Variants in NT5DC3 observed in about 807,000 individuals in gnomAD.
NT5DC3 encodes 5'-nucleotidase domain containing 3.
A neutral mutation model predicts 67.8 loss-of-function variants in NT5DC3; 42 were observed. The ratio of observed to expected loss-of-function variants is 0.62; its 90% CI spans 0.48 to 0.80. The LOEUF (loss-of-function observed/expected upper bound fraction) is 0.80. Ranked by LOEUF, NT5DC3 falls within the 30% of genes least tolerant of loss-of-function variation. The probability of loss-of-function intolerance (pLI) is 0.00; values close to 1 mark genes in which losing one functional copy is unlikely to be tolerated. For synonymous variants in NT5DC3, 237 were observed against 255.6 expected (o/e 0.93, Z 0.69); for missense variants, 570 against 696.4 (o/e 0.82, Z 2.04).
chr12:103,798,491 C>T (rs1593403209), intron 5 of NT5DC3, 96 bp downstream of exon 5: 1 of 789,892 alleles, frequency 1.3e-6, no homozygotes, highest in Non-Finnish European at 2.2e-6. Flanking sequence ...TCTCAAATTT[C>T]CCTGTCAATT....
downstream of NT5DC3, among the ~76,000 whole-genome samples, chr12:103,767,887 CCTGA>C (rs1885051300): frequency 6.6e-6 from 1 of 151,354 alleles, no homozygotes. Flanking sequence ...TCGAGACCAG[CCTGA>C]CTAACATGGT....
At chr12:103,806,200 G>A (rs1382630565) in intron 4 of NT5DC3, 122 bp downstream of exon 4, 1 of 692,042 alleles carries the variant, frequency 1.4e-6, no homozygotes, top group Non-Finnish European at 2.6e-6. Flanking sequence ...TTGAGTAAGT[G>A]AGTGAATGAA....
chr12:103,769,023 A>G (rs1885126402), downstream of NT5DC3, among the ~76,000 whole-genome samples: 1 of 152,132 alleles, frequency 6.6e-6, no homozygotes, highest in African/African-American at 2.4e-5. Context: ...TGGCTTTGTC[A>G]GTTCCATAGA....
rs188847353 is a variant in NT5DC3, at chr12:103,811,175, T to A, written c.393+3762A>T. On this transcript the variant is annotated intron_variant, in intron 2 of 13. Transcript: ENST00000392876. ...AGTGTCTGCCCCTGCAAAGTTCCCATTCTACCTGGGGGGGTAGACCATACA... is the reference window on the plus strand; with the variant it reads ...AGTGTCTGCCCCTGCAAAGTTCCCAATCTACCTGGGGGGGTAGACCATACA... Among the ~76,000 whole-genome samples the A allele has an allele frequency of 4.1e-3, 619 of 152,282 alleles. 1 individual carries two copies. Among genetic ancestry groups the A allele is most frequent in the Non-Finnish European group, 7.0e-3 (476 of 68,032 alleles).
At chr12:103,831,467 C>T (rs1887920741) in intron 1 of NT5DC3, among the ~76,000 whole-genome samples, 1 of 152,126 alleles carries the variant, frequency 6.6e-6, no homozygotes, top group Non-Finnish European at 1.5e-5. Context: ...AAATTCAAAC[C>T]CAAATCCATG....
Position 103,785,596 on chromosome 12 carries a change from C to A in NT5DC3, c.1189-121G>T, listed in dbSNP as rs947669522. 5 of 984,716 alleles carry A rather than the reference C, an allele frequency of 5.1e-6. No individual in the cohort carries two copies. The African/African-American group carries it at 8.0e-5, about 16-fold the overall frequency. The allele number at this position is 984,716 out of a possible 1,614,324, so 61.0% of individuals were successfully genotyped here. A position where few individuals can be genotyped will look rare whatever the true frequency, so the allele number is the denominator to read the frequency against. On this transcript the variant is annotated intron_variant, in intron 11 of 13. Coordinates refer to ENST00000392876, the MANE Select transcript of NT5DC3 (RefSeq NM_001031701.3). The stretch of plus-strand genomic sequence containing the variant: ...TTTTTGATGGTAATGGTTAGTTATT[C>A]ACCAAGCTGAATTCAATGAATTACA...
intron 12 of NT5DC3, among the ~76,000 whole-genome samples, chr12:103,782,095 C>T (rs771022110): frequency 6.6e-6 from 1 of 152,174 alleles, no homozygotes; most frequent in Non-Finnish European, 1.5e-5. Context: ...ACAGGCTGGG[C>T]GTGGTAGCTC....
intron 1 of NT5DC3, among the ~76,000 whole-genome samples, chr12:103,822,661 T>C (rs920084749): frequency 6.6e-6 from 1 of 152,220 alleles, no homozygotes; most frequent in African/African-American, 2.4e-5. Flanking sequence ...TCTATTCTTG[T>C]TTTGTCTGTA....
intron 5 of NT5DC3, among the ~76,000 whole-genome samples, chr12:103,798,301 T>A (rs1886410705): frequency 6.6e-6 from 1 of 152,050 alleles, no homozygotes; most frequent in Non-Finnish European, 1.5e-5. Flanking sequence ...ACAGCCCCAA[T>A]CTGTTCTGGA....
the NT5DC3 span, chr12:103,758,988 G>A: frequency 7.2e-7 from 1 of 1,394,808 alleles, no homozygotes; most frequent in Non-Finnish European, 9.9e-7. Context: ...AGAAGCCTAA[G>A]AAAACCTTGA....
chr12:103,818,636 A>G (rs1887363819), intron 1 of NT5DC3, among the ~76,000 whole-genome samples: 1 of 152,202 alleles, frequency 6.6e-6, no homozygotes, highest in African/African-American at 2.4e-5. Context: ...TCCATCTCCC[A>G]AAGTGCTGGG....
chr12:103,750,592 G>T, the NT5DC3 span: 3 of 1,614,198 alleles, frequency 1.9e-6, no homozygotes, highest in East Asian at 4.5e-5. Flanking sequence ...AAGCACAAGT[G>T]TGAGTGTAAA....
the NT5DC3 span, among the ~76,000 whole-genome samples, chr12:103,751,474 C>G: frequency 6.6e-6 from 1 of 152,150 alleles, no homozygotes; most frequent in African/African-American, 2.4e-5. Context: ...AGACCAAATG[C>G]AGTGGTGGTG....
the NT5DC3 span, among the ~76,000 whole-genome samples, chr12:103,757,496 A>G: frequency 6.6e-6 from 1 of 152,272 alleles, no homozygotes; most frequent in Non-Finnish European, 1.5e-5. Context: ...CTAGAAGATG[A>G]TAGATCCAGA....
At chr12:103,826,504 G>C (rs895455255) in intron 1 of NT5DC3, among the ~76,000 whole-genome samples, 2 of 152,164 alleles carry the variant, frequency 1.3e-5, no homozygotes, top group Non-Finnish European at 2.9e-5. Context: ...AAAATGCAAG[G>C]GGCTACAAAC....
the NT5DC3 span, chr12:103,755,632 G>A: frequency 2.5e-6 from 4 of 1,614,140 alleles, no homozygotes; most frequent in Admixed American, 6.7e-5. Context: ...CACCTGCAAG[G>A]TGGGCTATGT....
rs1885346451 is a variant in NT5DC3 at position 103,776,600 on chromosome 12, G to A, written c.*1229C>T. ...AAATGAGAAAAGCTTGGTTAGCTAG[G>A]TCATATCTATTCCTTAGCTTCAATG... On this transcript the variant is annotated 3_prime_UTR_variant, in exon 14 of 14. Transcript: ENST00000392876. 6.7e-6 allele frequency: 1 copy of A among 150,350 alleles called. No homozygotes were observed. 9.3% of individuals were successfully genotyped at this position (150,350 alleles called of 1,614,324 possible). A position where few individuals can be genotyped will look rare whatever the true frequency, so the allele number is the denominator to read the frequency against.
chr12:103,818,032 G>C lies in NT5DC3; in HGVS notation c.209-2911C>G, dbSNP rs142902107. Among the ~76,000 whole-genome samples the C allele has an allele frequency of 1.6e-3, 238 of 152,296 alleles. 1 individual carries two copies. The highest frequency in any genetic ancestry group is 5.5e-3 in the African/African-American group (229 of 41,552). ...GAGCATTTCACAAGGCTCCTTAACA[G>C]CTTTGAGATCTGAATCCCTCTCAAA... On this transcript the variant is annotated intron_variant, in intron 1 of 13. Coordinates refer to ENST00000392876, the MANE Select transcript of NT5DC3 (RefSeq NM_001031701.3).
chr12:103,768,598 GGAAAGGGGGAGAGAGGGAGAGA>G (rs2139278008), downstream of NT5DC3, among the ~76,000 whole-genome samples: 1 of 136 alleles, frequency 7.4e-3, no homozygotes, highest in Non-Finnish European at 0.017. Context: ...GGAGGGAGAG[GGAAAGGGGGAGAGAGGGAGAGA>G]GAGGGAGAGG....
Sources: allele counts gnomAD v4.1 joint callset (sites outside exome capture counted in the v4.1 genomes callset), GRCh38; gene constraint gnomAD v4.1.1; transcripts MANE v1.5; gene names NCBI Gene and HGNC (gene_info 2026-07-23, HGNC 2026-07-21).